The following ALPK1 variants were observed in gnomAD, a reference collection of about 807,000 sequenced individuals.
The protein encoded by ALPK1 is alpha-protein kinase 1.
In ALPK1, 110 loss-of-function variants were observed where a neutral mutation model predicts 120.6. That is an observed-to-expected ratio of 0.91 (90% CI 0.78 to 1.07). ALPK1 has a LOEUF of 1.07. ALPK1 is among the 50% of genes least tolerant of loss of function. ALPK1 has a pLI of 0.00. For synonymous variants in ALPK1, 582 were observed against 560.3 expected (o/e 1.04, Z -0.55); for missense variants, 1,498 against 1,483.9 (o/e 1.01, Z -0.16).
intron 7 of ALPK1, 180 bp downstream of exon 7, chr4:112,425,931 T>G (rs959867212): frequency 2.1e-6 from 1 of 480,990 alleles, no homozygotes. Context: ...ATTAATAAAA[T>G]GTGTTTTTTT....
chr4:112,389,065 G>A (rs1265355491), intron 4 of ALPK1, among the ~76,000 whole-genome samples: 1 of 120,752 alleles, frequency 8.3e-6, no homozygotes, highest in Non-Finnish European at 1.7e-5. Context: ...TTTTTTTTTA[G>A]ACAGCATCTC....
intron 2 of ALPK1, among the ~76,000 whole-genome samples, chr4:112,349,607 G>A (rs1407781367): frequency 7.3e-6 from 1 of 136,452 alleles, no homozygotes. Flanking sequence ...AGGCTAGAGT[G>A]CAGTGGTGCA....
chr4:112,361,436 G>A (rs1730907688), intron 2 of ALPK1, among the ~76,000 whole-genome samples: 1 of 152,206 alleles, frequency 6.6e-6, no homozygotes, highest in African/African-American at 2.4e-5. Context: ...GCCTGTGGCT[G>A]CTGGCATTCC....
At chr4:112,437,041 G>A (rs933783926) in intron 12 of ALPK1, among the ~76,000 whole-genome samples, 5 of 152,132 alleles carry the variant, frequency 3.3e-5, no homozygotes, top group African/African-American at 1.2e-4. Context: ...GGGAAAGGAG[G>A]AAAGAAGCTG....
Position 112,425,543 on chromosome 4 carries a change from T to A in ALPK1, c.536-122T>A, listed in dbSNP as rs115613396. 2.9e-3 allele frequency: 2,271 copies of A among 783,606 alleles called. 39 individuals carry two copies. In the African/African-American group the frequency reaches 0.034, roughly 12 times the overall value. 48.5% of individuals were successfully genotyped at this position (783,606 alleles called of 1,614,324 possible). A position where few individuals can be genotyped will look rare whatever the true frequency, so the allele number is the denominator to read the frequency against. Reference sequence around the variant, plus strand: ...AGAAGTTTGGACCTGATTCTAAATGTAGAGACGAGATTGTTTCTCAAAATG... The same window carrying A: ...AGAAGTTTGGACCTGATTCTAAATGAAGAGACGAGATTGTTTCTCAAAATG... On this transcript the variant is annotated intron_variant, in intron 6 of 15. Coordinates refer to ENST00000650871, the MANE Select transcript of ALPK1 (RefSeq NM_025144.4).
intron 5 of ALPK1, chr4:112,414,535 G>C (rs1733646092): frequency 6.7e-6 from 2 of 298,670 alleles, no homozygotes; most frequent in South Asian, 2.8e-5. Context: ...TTGAACTCCG[G>C]AGGTGGAAGT....
At chr4:112,365,838 G>A (rs1211114011) in intron 2 of ALPK1, among the ~76,000 whole-genome samples, 1 of 152,114 alleles carries the variant, frequency 6.6e-6, no homozygotes, top group East Asian at 1.9e-4. Context: ...AAAACAGCAT[G>A]GTACTGGTAT....
intron 1 of ALPK1, among the ~76,000 whole-genome samples, chr4:112,306,632 T>G (rs1233533327): frequency 6.6e-6 from 1 of 152,066 alleles, no homozygotes; most frequent in East Asian, 1.9e-4. Flanking sequence ...TATTTGATTC[T>G]TCTCTCTTTT....
chr4:112,436,587 G>A (rs1017233967), intron 12 of ALPK1, among the ~76,000 whole-genome samples: 5 of 152,166 alleles, frequency 3.3e-5, no homozygotes, highest in Admixed American at 6.5e-5. Flanking sequence ...AGACAAAGAC[G>A]CAGAGAGAAT....
At chr4:112,395,403 A>G (rs1008531730) in intron 4 of ALPK1, among the ~76,000 whole-genome samples, 2 of 152,206 alleles carry the variant, frequency 1.3e-5, no homozygotes, top group Non-Finnish European at 2.9e-5. Flanking sequence ...CTTTTATTGG[A>G]TATATTTGTA....
intron 4 of ALPK1, among the ~76,000 whole-genome samples, chr4:112,409,747 T>C (rs1029798526): frequency 6.6e-6 from 1 of 152,078 alleles, no homozygotes; most frequent in Non-Finnish European, 1.5e-5. Flanking sequence ...ACTCCACCCC[T>C]CATGAAGTAG....
intron 2 of ALPK1, among the ~76,000 whole-genome samples, chr4:112,373,422 T>C (rs746984888): frequency 3.3e-5 from 5 of 152,238 alleles, no homozygotes; most frequent in Admixed American, 6.5e-5. Context: ...TTGTGACTTA[T>C]AGACATTTGA....
intron 2 of ALPK1, among the ~76,000 whole-genome samples, chr4:112,344,461 A>G (rs1730019428): frequency 6.6e-6 from 1 of 152,236 alleles, no homozygotes; most frequent in African/African-American, 2.4e-5. Flanking sequence ...CAGGCTAGGT[A>G]GAAATTGATT....
At chr4:112,321,089 G>T (rs1449852266) in intron 2 of ALPK1, among the ~76,000 whole-genome samples, 2 of 151,596 alleles carry the variant, frequency 1.3e-5, no homozygotes, top group East Asian at 3.9e-4. Flanking sequence ...AGTAGAAATG[G>T]GGTTTCACCG....
chr4:112,376,992 C>T (rs1037350735), intron 2 of ALPK1, among the ~76,000 whole-genome samples: 4 of 152,028 alleles, frequency 2.6e-5, no homozygotes, highest in African/African-American at 4.8e-5. Context: ...ATTACCTTGA[C>T]GGCAGTAGCT....
intron 4 of ALPK1, among the ~76,000 whole-genome samples, chr4:112,387,776 A>G (rs934962929): frequency 1.3e-5 from 2 of 152,118 alleles, no homozygotes; most frequent in Non-Finnish European, 2.9e-5. Context: ...AGTCCCAATA[A>G]TTTTTTTAAC....
chr4:112,333,520 A>T (rs1729478661), intron 2 of ALPK1, among the ~76,000 whole-genome samples: 2 of 152,102 alleles, frequency 1.3e-5, no homozygotes, highest in Non-Finnish European at 2.9e-5. Context: ...TAACAGCTTG[A>T]CTTCCTTTAG....
intron 4 of ALPK1, 29 bp from the exon 5 acceptor site, chr4:112,411,798 G>C: frequency 3.2e-6 from 5 of 1,585,680 alleles, no homozygotes; most frequent in Non-Finnish European, 4.3e-6. Flanking sequence ...TTTCCGCCTG[G>C]CTCACGATGT....
intron 6 of ALPK1, 142 bp from the exon 7 acceptor site, chr4:112,425,523 T>G: frequency 1.5e-6 from 1 of 655,020 alleles, no homozygotes; most frequent in South Asian, 1.8e-5. Flanking sequence ...CAGCAAGAAG[T>G]TTGGACCTGA....
Sources: gnomAD v4.1 joint callset for allele counts (sites outside exome capture counted in the v4.1 genomes callset) on GRCh38, gnomAD v4.1.1 for gene constraint, MANE v1.5 for transcripts, NCBI Gene and HGNC (gene_info 2026-07-23, HGNC 2026-07-21) for gene names.